FCHSD1: variants seen among roughly 807,000 people sequenced by gnomAD.
FCHSD1 encodes FCH and double SH3 domains 1.
FCHSD1 carries 109 observed loss-of-function variants against 101.3 expected under a neutral mutation model. The observed-to-expected ratio is 1.08, with a 90% confidence interval of 0.92 to 1.26. The LOEUF (loss-of-function observed/expected upper bound fraction) is 1.26. FCHSD1 is among the 50% of genes most tolerant of loss of function. FCHSD1 has a pLI of 0.00. For synonymous variants in FCHSD1, 291 were observed against 356.8 expected (o/e 0.82, Z 2.08); for missense variants, 820 against 895.8 (o/e 0.92, Z 1.08).
At chr5:141,651,183 C>T in intron 1 of FCHSD1, 66 bp from the exon 2 acceptor site, 1 of 1,108,110 alleles carries the variant, frequency 9.0e-7, no homozygotes, top group Non-Finnish European at 1.3e-6. Context: ...GCGCAGGGAG[C>T]GGTGAGGGGG....
At chr5:141,647,663 G>A in intron 8 of FCHSD1, 143 bp from the exon 9 acceptor site, 1 of 1,311,210 alleles carries the variant, frequency 7.6e-7, no homozygotes. Context: ...GCCCTCGTGT[G>A]CAGAGCACTT....
intron 17 of FCHSD1, 78 bp from the exon 18 acceptor site, chr5:141,643,166 G>T: frequency 8.7e-7 from 1 of 1,152,616 alleles, no homozygotes; most frequent in Non-Finnish European, 1.2e-6. Flanking sequence ...CCCATCTCCA[G>T]TTCCTTCCTC....
chr5:141,650,343 G>C lies in FCHSD1; in HGVS notation c.165+16C>G, dbSNP rs777507316. The C allele has an allele frequency of 8.1e-6, 13 of 1,613,892 alleles. No homozygotes were observed. Among genetic ancestry groups the C allele is most frequent in the South Asian group, 1.1e-5 (1 of 91,076 alleles). On this transcript the variant is annotated intron_variant, in intron 3 of 19. Coordinates refer to ENST00000435817, the MANE Select transcript of FCHSD1 (RefSeq NM_033449.3). The stretch of plus-strand genomic sequence containing the variant: ...AGGCTGGAACAAGAGGTAAGGTCCA[G>C]AGAAAAGTCCCATACCTGCCCATAC...
rs779814544 is a variant in FCHSD1 at position 141,643,014 on chromosome 5, AGGTGCAG to A, written c.1931_1937del (p.Pro644LeufsTer17). 1 of 1,565,434 alleles carries A rather than the reference AGGTGCAG, an allele frequency of 6.4e-7. No homozygotes were observed. Among genetic ancestry groups the A allele is most frequent in the South Asian group, 1.2e-5 (1 of 85,114 alleles). On this transcript the variant is annotated frameshift_variant, in exon 18 of 20. Coordinates refer to ENST00000435817, the MANE Select transcript of FCHSD1 (RefSeq NM_033449.3). LOFTEE classifies it high-confidence loss of function. Reference sequence around the variant, plus strand: ...CCTTCCACTCACCCCCAGGCAGGACAGGTGCAGGGGGCCCATCCAACACAGAGGTAGG... The same window carrying A: ...CCTTCCACTCACCCCCAGGCAGGACAGGGGCCCATCCAACACAGAGGTAGG...
At position 141,644,635 on chromosome 5, in the gene FCHSD1, G is replaced by A. The variant is rs565537229; in HGVS notation, c.1580C>T (p.Pro527Leu). The change falls in exon 16 of 20, where the codon CCG becomes CTG. Residue 527 changes from proline (P) to leucine (L), a missense_variant. By Grantham distance (98) the Pro-to-Leu change is moderately conservative. Coordinates refer to ENST00000435817, the MANE Select transcript of FCHSD1 (RefSeq NM_033449.3). Reference sequence around the variant, plus strand: ...GCTGCTCTCTGGGAGGGAGAGGTCCGGGAAGTTGAGATATCGCTCAGGGAC... The same window carrying A: ...GCTGCTCTCTGGGAGGGAGAGGTCCAGGAAGTTGAGATATCGCTCAGGGAC... ...GFVPERYLNF[P>L]DLSLPESSQD... is the part of the protein sequence containing the mutation. 26 of 1,613,932 alleles carry A rather than the reference G, an allele frequency of 1.6e-5. No homozygotes were observed. The highest frequency in any genetic ancestry group is 4.0e-5 in the African/African-American group (3 of 75,024).
rs372216012 is a variant in FCHSD1 at position 141,649,286 on chromosome 5, G to A, written c.398C>T (p.Ala133Val). 237 of 1,613,966 alleles carry A rather than the reference G, an allele frequency of 1.5e-4. No individual in the cohort carries two copies. The highest frequency in any genetic ancestry group is 1.2e-3 in the Middle Eastern group (7 of 6,062). The change falls in exon 6 of 20, where the codon GCG (alanine) becomes GTG (valine). Residue 133 changes from alanine to valine, a missense_variant. Coordinates refer to ENST00000435817, the MANE Select transcript of FCHSD1 (RefSeq NM_033449.3). This position sits in a 1 kb window ranked among gnomAD's most constrained non-coding sequence, Gnocchi z 4.1. ...LRKGTENLQR[A>V]QAEVLQSVRE... ...GACAGACTGCAGCACCTCAGCCTGCGCCCTCTGGAGGTTCTCTGTTCCCTA... is the reference window on the plus strand; with the variant it reads ...GACAGACTGCAGCACCTCAGCCTGCACCCTCTGGAGGTTCTCTGTTCCCTA...
chr5:141,647,849 TACTC>T lies in FCHSD1; in HGVS notation c.705+115_705+118del, dbSNP rs769850373. 9 of 1,388,926 alleles carry T rather than the reference TACTC, an allele frequency of 6.5e-6. No individual in the cohort carries two copies. The South Asian group carries it at 8.1e-5, about 12-fold the overall frequency. The allele number at this position is 1,388,926 out of a possible 1,614,324, so 86.0% of individuals were successfully genotyped here. On this transcript the variant is annotated intron_variant, in intron 8 of 19. Transcript: ENST00000435817. The stretch of plus-strand genomic sequence containing the variant: ...AACCAGAGTGCATGTATGTATCATC[TACTC>T]ACTCTAAACAGACAAGATCCCCTGC...
rs567162640 is a variant in FCHSD1, at chr5:141,650,684, G to A, written c.120-280C>T. ...GGCTTAGAGGTGAAGACTGATGGGG[G>A]CCTGGGTACGATGTCTGCCAGCCTT... is the stretch of plus-strand genomic sequence containing the variant. On this transcript the variant is annotated intron_variant, in intron 2 of 19. Coordinates refer to ENST00000435817, the MANE Select transcript of FCHSD1 (RefSeq NM_033449.3). Among the ~76,000 whole-genome samples, 8 of 152,234 alleles carry A rather than the reference G, an allele frequency of 5.3e-5. No individual in the cohort carries two copies. The East Asian group carries it at 7.7e-4, about 15-fold the overall frequency.
intron 17 of FCHSD1, among the ~76,000 whole-genome samples, chr5:141,643,650 G>T (rs2099907269): frequency 1.3e-5 from 2 of 152,158 alleles, no homozygotes; most frequent in Non-Finnish European, 1.5e-5. Flanking sequence ...AGGAGTTTGA[G>T]ACCAGCCTGA....
chr5:141,644,485 C>T, intron 16 of FCHSD1, 47 bp from the exon 17 acceptor site: 1 of 1,607,036 alleles, frequency 6.2e-7, no homozygotes, highest in Non-Finnish European at 8.5e-7. Context: ...GGTAGCAGTG[C>T]CCCAGGACCA....
Position 141,648,103 on chromosome 5 carries a change from G to C in FCHSD1, c.577-7C>G. Reference sequence around the variant, plus strand: ...GGGCTGACTGGGCGGACAGCTAGGAGGGTAAACTGATGTCAATAGGAAGCC... The same window carrying C: ...GGGCTGACTGGGCGGACAGCTAGGACGGTAAACTGATGTCAATAGGAAGCC... On this transcript the variant is annotated splice_region_variant and splice_polypyrimidine_tract_variant and intron_variant, in intron 7 of 19. Coordinates refer to ENST00000435817, the MANE Select transcript of FCHSD1 (RefSeq NM_033449.3). The C allele has an allele frequency of 6.2e-7, 1 of 1,603,786 alleles. No homozygotes were observed. The highest frequency in any genetic ancestry group is 8.5e-7 in the Non-Finnish European group (1 of 1,172,842).
intron 10 of FCHSD1, 122 bp from the exon 11 acceptor site, chr5:141,646,844 A>G: frequency 7.3e-7 from 1 of 1,373,388 alleles, no homozygotes; most frequent in Non-Finnish European, 9.7e-7. Flanking sequence ...GCACATGCCT[A>G]CAGTCATGGA....
At position 141,640,490 on chromosome 5, in the gene FCHSD1, C is replaced by T. The variant is rs779937041; in HGVS notation, c.*1008G>A. 2.3e-5 allele frequency: 37 copies of T among 1,613,858 alleles called. No individual in the cohort carries two copies. Among genetic ancestry groups the T allele is most frequent in the Non-Finnish European group, 2.8e-5 (33 of 1,179,902 alleles). Reference sequence around the variant, plus strand: ...AAATGAGGTAATCTCATCTTCCCATCACCTACTTAAACTATTTAAGCCTTT... The same window carrying T: ...AAATGAGGTAATCTCATCTTCCCATTACCTACTTAAACTATTTAAGCCTTT... On this transcript the variant is annotated 3_prime_UTR_variant, in exon 20 of 20. Coordinates refer to ENST00000435817, the MANE Select transcript of FCHSD1 (RefSeq NM_033449.3).
At chr5:141,642,815 C>G (rs760003636) in intron 18 of FCHSD1, 186 bp downstream of exon 18, 22 of 582,440 alleles carry the variant, frequency 3.8e-5, no homozygotes, top group Non-Finnish European at 5.7e-5. Context: ...CAGAATCCCA[C>G]CACACACTTG....
At position 141,651,402 on chromosome 5, in the gene FCHSD1, C is replaced by A. The variant is rs1596469997; in HGVS notation, c.-34G>T. 2 of 1,550,972 alleles carry A rather than the reference C, an allele frequency of 1.3e-6. No homozygotes were observed. Among genetic ancestry groups the A allele is most frequent in the Non-Finnish European group, 1.7e-6 (2 of 1,147,054 alleles). Reference sequence around the variant, plus strand: ...CAGCAAGGCGGTCAGCCACTGGACTCCGGAACTGGAGGAAGCCCCGCCCAC... The same window carrying A: ...CAGCAAGGCGGTCAGCCACTGGACTACGGAACTGGAGGAAGCCCCGCCCAC... On this transcript the variant is annotated 5_prime_UTR_variant, in exon 1 of 20. Transcript: ENST00000435817.
chr5:141,642,995 A>T lies in FCHSD1; in HGVS notation c.1951+6T>A. ...CCTCCCAAGGCTCCCAGTTCCTTCCACTCACCCCCAGGCAGGACAGGTGCA... is the reference window on the plus strand; with the variant it reads ...CCTCCCAAGGCTCCCAGTTCCTTCCTCTCACCCCCAGGCAGGACAGGTGCA... On this transcript the variant is annotated splice_donor_region_variant and intron_variant, in intron 18 of 19. Transcript: ENST00000435817. 2 of 1,559,450 alleles carry T rather than the reference A, an allele frequency of 1.3e-6. No individual in the cohort carries two copies. The highest frequency in any genetic ancestry group is 1.7e-6 in the Non-Finnish European group (2 of 1,152,430).
At chr5:141,642,106 AGACTCCTTGTG>A in intron 18 of FCHSD1, 1 of 510,440 alleles carries the variant, frequency 2.0e-6, no homozygotes, top group Non-Finnish European at 3.5e-6. Flanking sequence ...CCAGGGAGGG[AGACTCCTTGTG>A]GACAAGGTGG....
Position 141,641,809 on chromosome 5 carries a change from G to C in FCHSD1, c.1952-52C>G, listed in dbSNP as rs2099906933. On this transcript the variant is annotated intron_variant, in intron 18 of 19. Transcript: ENST00000435817. ...TTCAGACTTTGTTTTGTTCAATGCT[G>C]TATCTCCAGCACTTAGGACAGTGGC... The C allele has an allele frequency of 2.5e-6, 4 of 1,573,330 alleles. No homozygotes were observed. In the East Asian group the frequency reaches 8.9e-5, roughly 35 times the overall value.
chr5:141,645,027 C>T lies in FCHSD1; in HGVS notation c.1433G>A (p.Arg478His), dbSNP rs376157133. 3.4e-5 allele frequency: 54 copies of T among 1,610,602 alleles called. No individual in the cohort carries two copies. The East Asian group carries it at 3.6e-4, about 11-fold the overall frequency. The change falls in exon 14 of 20, where the codon CGC becomes CAC. Residue 478 changes from arginine (R) to histidine (H), a missense_variant. Arg to His is a conservative substitution (Grantham distance 29). Coordinates refer to ENST00000435817, the MANE Select transcript of FCHSD1 (RefSeq NM_033449.3). ...CCCCACCCCCATTCATACCTGATAGCGAAATACCACGTGTGCAGGGCAGGG... is the reference window on the plus strand; with the variant it reads ...CCCCACCCCCATTCATACCTGATAGTGAAATACCACGTGTGCAGGGCAGGG... Reference protein sequence around the residue: ...ALPCPAHVVFRYQAGREDELT... With the variant: ...ALPCPAHVVFHYQAGREDELT...
Sources: allele counts gnomAD v4.1 joint callset (sites outside exome capture counted in the v4.1 genomes callset), GRCh38; gene constraint gnomAD v4.1.1; non-coding constraint Gnocchi (gnomAD v3.1); transcripts MANE v1.5; gene names NCBI Gene and HGNC (gene_info 2026-07-23, HGNC 2026-07-21).